Variants in SLC10A7 observed in about 807,000 individuals in gnomAD.
SLC10A7 encodes sodium/bile acid cotransporter 7.
In SLC10A7, 29 loss-of-function variants were observed where a neutral mutation model predicts 43.2. That is an observed-to-expected ratio of 0.67 (90% CI 0.50 to 0.92). The LOEUF is 0.92. Among genes scored for constraint, SLC10A7 ranks in the 40% least tolerant of loss-of-function variants. The pLI is 0.00. For synonymous variants in SLC10A7, 152 were observed against 144.8 expected, an observed-to-expected ratio of 1.05 and a Z score of -0.35; for missense variants, 295 against 403.2, an observed-to-expected ratio of 0.73 and a Z score of 2.30.
chr4:146,469,928 C>A (rs1185943986), intron 4 of SLC10A7, among the ~76,000 whole-genome samples: 1 of 152,122 alleles, frequency 6.6e-6, no homozygotes, highest in African/African-American at 2.4e-5. Flanking sequence ...GTCACCACAC[C>A]CAGCCCAAAA....
intron 7 of SLC10A7, among the ~76,000 whole-genome samples, chr4:146,298,640 C>T (rs1730944651): frequency 6.6e-6 from 1 of 152,052 alleles, no homozygotes; most frequent in Non-Finnish European, 1.5e-5. Context: ...GTATACCACT[C>T]TTAAATATAA....
chr4:146,314,906 T>A (rs1732224857), intron 6 of SLC10A7, among the ~76,000 whole-genome samples: 1 of 152,116 alleles, frequency 6.6e-6, no homozygotes, highest in African/African-American at 2.4e-5. Flanking sequence ...CCATCCAATA[T>A]ATGGTTTCCT....
At chr4:146,376,814 A>C (rs1737234933) in intron 5 of SLC10A7, among the ~76,000 whole-genome samples, 1 of 152,210 alleles carries the variant, frequency 6.6e-6, no homozygotes, top group Admixed American at 6.5e-5. Context: ...TTATAACCTG[A>C]TGCGTCCACT....
At chr4:146,370,513 C>T (rs1736694281) in intron 5 of SLC10A7, among the ~76,000 whole-genome samples, 1 of 152,092 alleles carries the variant, frequency 6.6e-6, no homozygotes, top group African/African-American at 2.4e-5. Flanking sequence ...AGCTTATATT[C>T]CTAAAGGGAG....
At chr4:146,404,474 T>TTG (rs1468611145) in intron 5 of SLC10A7, among the ~76,000 whole-genome samples, 1 of 114,744 alleles carries the variant, frequency 8.7e-6, no homozygotes, top group East Asian at 2.4e-4. Flanking sequence ...TGCTGCTCAT[T>TTG]TATGTGTGTG....
Position 146,518,835 on chromosome 4 carries a change from G to A in SLC10A7, c.101-1715C>T, listed in dbSNP as rs535182627. 9.9e-5 allele frequency among the ~76,000 whole-genome samples: 15 copies of A among 151,788 alleles called. No individual in the cohort carries two copies. In the South Asian group the frequency reaches 3.1e-3, roughly 32 times the overall value. On this transcript the variant is annotated intron_variant, in intron 1 of 11. Transcript: ENST00000335472. ...AGAAGACTCAAAGGATTCTTTCCCA[G>A]ATGTCCTTTGGAGGACATCTTGACC...
At chr4:146,339,410 C>T (rs1467364273) in intron 5 of SLC10A7, among the ~76,000 whole-genome samples, 1 of 151,932 alleles carries the variant, frequency 6.6e-6, no homozygotes, top group Non-Finnish European at 1.5e-5. Flanking sequence ...TTTCAATGGT[C>T]TGATTTACTC....
intron 2 of SLC10A7, among the ~76,000 whole-genome samples, chr4:146,511,701 C>G (rs766495332): frequency 2.0e-5 from 3 of 152,142 alleles, no homozygotes; most frequent in Non-Finnish European, 4.4e-5. Context: ...AGAAAACACT[C>G]AGCCTACCAG....
chr4:146,386,958 A>C (rs1369745084), intron 5 of SLC10A7, among the ~76,000 whole-genome samples: 1 of 152,228 alleles, frequency 6.6e-6, no homozygotes, highest in East Asian at 1.9e-4. Flanking sequence ...AACAACTACA[A>C]AATCAATCAG....
chr4:146,411,142 C>T (rs1473196560), intron 5 of SLC10A7, among the ~76,000 whole-genome samples: 1 of 152,048 alleles, frequency 6.6e-6, no homozygotes. Context: ...GCCTTCTTCA[C>T]CTTTAAAATG....
intron 4 of SLC10A7, among the ~76,000 whole-genome samples, chr4:146,451,231 C>CAAAAAAA (rs572993886): frequency 2.5e-4 from 18 of 71,692 alleles, no homozygotes; most frequent in South Asian, 5.3e-4. Flanking sequence ...AGTCTCCCAC[C>CAAAAAAA]AAAAAAAAAA....
Position 146,388,350 on chromosome 4 carries a change from T to C in SLC10A7, c.435+54433A>G, listed in dbSNP as rs534085396. On this transcript the variant is annotated intron_variant, in intron 5 of 11. Transcript: ENST00000335472. ...GGACACTCCATTCAATAAATGGTGC[T>C]GGGAAAACTGGAGAACCATATACAG... 2.0e-5 allele frequency among the ~76,000 whole-genome samples: 3 copies of C among 152,304 alleles called. No individual in the cohort carries two copies. In the East Asian group the frequency reaches 5.8e-4, roughly 29 times the overall value.
intron 4 of SLC10A7, among the ~76,000 whole-genome samples, chr4:146,493,670 G>T (rs1378558288): frequency 6.6e-6 from 1 of 152,092 alleles, no homozygotes; most frequent in Non-Finnish European, 1.5e-5. Context: ...AACTCTGAAA[G>T]CAATCTTTCA....
intron 5 of SLC10A7, among the ~76,000 whole-genome samples, chr4:146,351,148 A>T (rs2149744001): frequency 1.3e-5 from 2 of 151,152 alleles, no homozygotes; most frequent in Middle Eastern, 6.8e-3. Context: ...AATTTAGAAG[A>T]ATGTATAACT....
chr4:146,312,896 A>G (rs951318978), intron 6 of SLC10A7, among the ~76,000 whole-genome samples: 1 of 152,134 alleles, frequency 6.6e-6, no homozygotes, highest in African/African-American at 2.4e-5. Flanking sequence ...ACCTAGAGGA[A>G]AGAGGAAAGC....
chr4:146,311,549 T>G (rs1731977648), intron 6 of SLC10A7, among the ~76,000 whole-genome samples: 3 of 152,172 alleles, frequency 2.0e-5, no homozygotes, highest in Admixed American at 2.0e-4. Flanking sequence ...AATTCACCCT[T>G]GATGATTGGT....
chr4:146,357,540 C>A (rs142120711), intron 5 of SLC10A7, among the ~76,000 whole-genome samples: 7 of 152,300 alleles, frequency 4.6e-5, no homozygotes, highest in East Asian at 3.9e-4. Context: ...AACTACTCAT[C>A]GTCTACCTTA....
intron 10 of SLC10A7, among the ~76,000 whole-genome samples, chr4:146,270,410 C>T (rs1317607194): frequency 6.6e-6 from 1 of 152,184 alleles, no homozygotes; most frequent in Non-Finnish European, 1.5e-5. Context: ...TGGGTAGGTA[C>T]AACCCATCTC....
chr4:146,342,846 TAG>T (rs1430683047), intron 5 of SLC10A7, among the ~76,000 whole-genome samples: 1 of 151,768 alleles, frequency 6.6e-6, no homozygotes, highest in African/African-American at 2.4e-5. Context: ...TTTGACAAAT[TAG>T]TTGTGTGGTT....
Sources: gnomAD v4.1 joint callset for allele counts (sites outside exome capture counted in the v4.1 genomes callset) on GRCh38, gnomAD v4.1.1 for gene constraint, MANE v1.5 for transcripts, NCBI Gene and HGNC (gene_info 2026-07-23, HGNC 2026-07-21) for gene names.